Variants in PLCB1 observed in about 807,000 individuals in gnomAD.
The protein encoded by PLCB1 is phospholipase C beta 1.
PLCB1 carries 46 observed loss-of-function variants against 161.8 expected under a neutral mutation model. The observed-to-expected ratio is 0.28, with a 90% CI of 0.22 to 0.36. The LOEUF (loss-of-function observed/expected upper bound fraction) is 0.36, where lower values mean the gene tolerates loss of function less well. PLCB1 is among the 10% of genes least tolerant of loss of function. The probability of loss-of-function intolerance (pLI) is 1.00; values close to 1 mark genes in which losing one functional copy is unlikely to be tolerated. For synonymous variants in PLCB1, 517 were observed against 503.7 expected (o/e 1.03, Z -0.35); for missense variants, 1,016 against 1,472.5 (o/e 0.69, Z 5.07).
At chr20:8,782,536 G>A (rs537120371) in intron 27 of PLCB1, among the ~76,000 whole-genome samples, 11 of 152,194 alleles carry the variant, frequency 7.2e-5, no homozygotes, top group African/African-American at 2.2e-4. Context: ...GGGACTACAG[G>A]CACGCACCAC....
chr20:8,238,962 C>T (rs1421020084), intron 2 of PLCB1, among the ~76,000 whole-genome samples: 1 of 151,478 alleles, frequency 6.6e-6, no homozygotes, highest in Non-Finnish European at 1.5e-5. Context: ...GGTCGAAAGA[C>T]TTTTATTTAT....
chr20:8,606,292 T>G (rs1000800648), intron 3 of PLCB1, among the ~76,000 whole-genome samples: 3 of 152,218 alleles, frequency 2.0e-5, no homozygotes, highest in Admixed American at 1.3e-4. Context: ...TTATCATTTA[T>G]TAAATAACAC....
intron 31 of PLCB1, among the ~76,000 whole-genome samples, chr20:8,842,664 A>G (rs1986549676): frequency 6.6e-6 from 1 of 152,168 alleles, no homozygotes; most frequent in Non-Finnish European, 1.5e-5. Flanking sequence ...TTAAGGGCCT[A>G]CAGCTCTAAG....
chr20:8,858,670 TC>T (rs1483392187), intron 31 of PLCB1, among the ~76,000 whole-genome samples: 1 of 152,114 alleles, frequency 6.6e-6, no homozygotes, highest in Non-Finnish European at 1.5e-5. Context: ...TGGCTTGTTT[TC>T]ATAGCTTCGA....
intron 31 of PLCB1, among the ~76,000 whole-genome samples, chr20:8,865,042 A>G (rs1008700463): frequency 1.3e-5 from 2 of 152,232 alleles, no homozygotes; most frequent in Non-Finnish European, 2.9e-5. Flanking sequence ...TTGCAATTGT[A>G]CTGAATTGAA....
intron 2 of PLCB1, among the ~76,000 whole-genome samples, chr20:8,327,551 G>T (rs2745774): frequency 0.012 from 1,798 of 152,252 alleles, 33 homozygotes; most frequent in African/African-American, 0.04. Flanking sequence ...AACGAAGAAA[G>T]GAAAACCTGG....
chr20:8,362,545 G>A (rs548633740), intron 2 of PLCB1, among the ~76,000 whole-genome samples: 1 of 152,258 alleles, frequency 6.6e-6, no homozygotes, highest in East Asian at 1.9e-4. Context: ...ATGTTTAGCT[G>A]CATTTAACTT....
intron 24 of PLCB1, among the ~76,000 whole-genome samples, chr20:8,759,629 T>C (rs1981910496): frequency 1.3e-5 from 2 of 152,126 alleles, no homozygotes; most frequent in Admixed American, 6.5e-5. Flanking sequence ...GCCTCCCAAG[T>C]AGCTGGGATT....
chr20:8,716,537 C>T (rs1193531491), intron 13 of PLCB1, among the ~76,000 whole-genome samples, 189 bp downstream of exon 13: 3 of 152,216 alleles, frequency 2.0e-5, no homozygotes, highest in African/African-American at 7.2e-5. Context: ...CTGCACTCTT[C>T]CTCTTCCCAC....
intron 8 of PLCB1, 76 bp downstream of exon 8, chr20:8,657,360 G>T (rs765099205): frequency 2.1e-5 from 18 of 838,626 alleles, no homozygotes; most frequent in Non-Finnish European, 3.3e-5. Context: ...GACTTGGAGT[G>T]GTAATTGGAG....
intron 2 of PLCB1, among the ~76,000 whole-genome samples, chr20:8,234,736 G>T (rs536385981): frequency 6.6e-6 from 1 of 151,948 alleles, no homozygotes; most frequent in Non-Finnish European, 1.5e-5. Context: ...TTGATAAATT[G>T]TTTTAGAGTA....
At position 8,636,027 on chromosome 20, in the gene PLCB1, A is replaced by G. The variant is rs374360395; in HGVS notation, c.384+7596A>G. Among the ~76,000 whole-genome samples the G allele has an allele frequency of 7.4e-4, 113 of 152,374 alleles. 1 individual carries two copies. The highest frequency in any genetic ancestry group is 1.0e-3 in the South Asian group (5 of 4,830). On this transcript the variant is annotated intron_variant, in intron 4 of 31. Coordinates refer to ENST00000338037, the MANE Select transcript of PLCB1 (RefSeq NM_015192.4). ...CTCGTTTCTATTTTGAATTTCAAACAAATTTATGATGAGTAAGCAGTAGCT... is the reference window on the plus strand; with the variant it reads ...CTCGTTTCTATTTTGAATTTCAAACGAATTTATGATGAGTAAGCAGTAGCT...
chr20:8,145,443 G>A (rs1437745653), intron 1 of PLCB1, among the ~76,000 whole-genome samples: 2 of 152,208 alleles, frequency 1.3e-5, no homozygotes, highest in Non-Finnish European at 2.9e-5. Context: ...AGGAGGCCAC[G>A]ATAAACCTGG....
chr20:8,291,522 T>G (rs577232180), intron 2 of PLCB1, among the ~76,000 whole-genome samples: 9 of 152,342 alleles, frequency 5.9e-5, no homozygotes, highest in African/African-American at 2.2e-4. Flanking sequence ...TTAGGAATCA[T>G]GTGAGTGTAT....
chr20:8,244,130 G>A (rs1980754041), intron 2 of PLCB1, among the ~76,000 whole-genome samples: 1 of 151,956 alleles, frequency 6.6e-6, no homozygotes, highest in Non-Finnish European at 1.5e-5. Context: ...CAAAGATATA[G>A]ATAACGAGAA....
intron 2 of PLCB1, among the ~76,000 whole-genome samples, chr20:8,363,911 T>G (rs755883380): frequency 2.6e-4 from 39 of 152,200 alleles, no homozygotes; most frequent in Non-Finnish European, 4.4e-4. Context: ...ACTAATGAGA[T>G]AATACATGCA....
chr20:8,237,464 A>T (rs960321158), intron 2 of PLCB1, among the ~76,000 whole-genome samples: 5 of 152,118 alleles, frequency 3.3e-5, no homozygotes, highest in African/African-American at 1.2e-4. Flanking sequence ...TTGTGTGATT[A>T]TAAATGATTT....
chr20:8,623,296 C>T (rs918317233), intron 3 of PLCB1, among the ~76,000 whole-genome samples: 3 of 152,214 alleles, frequency 2.0e-5, no homozygotes, highest in Non-Finnish European at 2.9e-5. Context: ...TCTGGATGAT[C>T]GCCTTCGTGT....
At chr20:8,324,196 A>AGG (rs1168805683) in intron 2 of PLCB1, among the ~76,000 whole-genome samples, 11 of 120,636 alleles carry the variant, frequency 9.1e-5, no homozygotes, top group African/African-American at 2.2e-4. Flanking sequence ...CTAAACTGGT[A>AGG]GGGGTGTGTG....
Sources: allele counts gnomAD v4.1 joint callset (sites outside exome capture counted in the v4.1 genomes callset), GRCh38; gene constraint gnomAD v4.1.1; transcripts MANE v1.5; gene names NCBI Gene and HGNC (gene_info 2026-07-23, HGNC 2026-07-21).